DLG2: variants seen among roughly 807,000 people sequenced by gnomAD.
The protein encoded by DLG2 is discs large MAGUK scaffold protein 2.
DLG2 carries 45 observed loss-of-function variants against 132.5 expected under a neutral mutation model. The ratio of observed to expected loss-of-function variants is 0.34; its 90% CI spans 0.27 to 0.44. DLG2 has a LOEUF of 0.44. Ranked by LOEUF, DLG2 falls within the 20% of genes least tolerant of loss-of-function variation. The pLI, the probability that DLG2 is intolerant of heterozygous loss-of-function variation, is 1.00. For synonymous variants in DLG2, 424 were observed against 419.6 expected, an observed-to-expected ratio of 1.01 and a Z score of -0.13; for missense variants, 1,045 against 1,196.9, an observed-to-expected ratio of 0.87 and a Z score of 1.87.
intron 3 of DLG2, among the ~76,000 whole-genome samples, chr11:85,375,010 G>C (rs2085294750): frequency 6.6e-6 from 1 of 151,690 alleles, no homozygotes; most frequent in African/African-American, 2.4e-5. Context: ...GTACCAGTTA[G>C]CAAATATAAA....
At chr11:83,756,395 A>T (rs1298554149) in intron 18 of DLG2, among the ~76,000 whole-genome samples, 6 of 151,492 alleles carry the variant, frequency 4.0e-5, no homozygotes, top group Admixed American at 3.3e-4. Context: ...GTGCTTTAAA[A>T]GACTGAGATA....
intron 4 of DLG2, among the ~76,000 whole-genome samples, chr11:85,236,121 C>T (rs891122609): frequency 2.6e-5 from 4 of 151,888 alleles, no homozygotes; most frequent in African/African-American, 9.7e-5. Context: ...ATCTTCACAA[C>T]AAACTATAAG....
chr11:84,360,651 G>C (rs918056289), intron 7 of DLG2, among the ~76,000 whole-genome samples: 43 of 151,986 alleles, frequency 2.8e-4, no homozygotes, highest in African/African-American at 9.2e-4. Context: ...GTTTTGGGTA[G>C]CCATGGCAGG....
chr11:84,849,966 C>A (rs2081983903), intron 6 of DLG2, among the ~76,000 whole-genome samples: 1 of 152,220 alleles, frequency 6.6e-6, no homozygotes, highest in Non-Finnish European at 1.5e-5. Flanking sequence ...ATTATGATAT[C>A]TAACTGCCTC....
intron 14 of DLG2, among the ~76,000 whole-genome samples, chr11:83,939,566 G>A (rs1322135667): frequency 6.6e-6 from 1 of 152,110 alleles, no homozygotes; most frequent in Non-Finnish European, 1.5e-5. Context: ...TTATCATGGT[G>A]TCAAAAATAT....
chr11:84,806,959 C>A (rs1350606597), intron 6 of DLG2, among the ~76,000 whole-genome samples: 1 of 152,048 alleles, frequency 6.6e-6, no homozygotes, highest in African/African-American at 2.4e-5. Flanking sequence ...AAAGACAACA[C>A]AGTACACTGT....
intron 15 of DLG2, among the ~76,000 whole-genome samples, chr11:83,888,233 A>G (rs994109545): frequency 6.6e-6 from 1 of 152,290 alleles, no homozygotes. Context: ...CCTTAAGCTG[A>G]TAAGCAACTT....
intron 19 of DLG2, among the ~76,000 whole-genome samples, chr11:83,561,816 G>T (rs1397004566): frequency 6.6e-6 from 1 of 151,484 alleles, no homozygotes; most frequent in Non-Finnish European, 1.5e-5. Flanking sequence ...ACCAGGTAGG[G>T]CAGTAGGAAC....
At chr11:83,896,078 G>C (rs1452969278) in intron 15 of DLG2, among the ~76,000 whole-genome samples, 2 of 152,154 alleles carry the variant, frequency 1.3e-5, no homozygotes, top group African/African-American at 4.8e-5. Context: ...ACTTGACAAG[G>C]GGTGGGGGAA....
At chr11:85,466,942 G>T (rs541653171) in intron 3 of DLG2, among the ~76,000 whole-genome samples, 134 of 152,272 alleles carry the variant, frequency 8.8e-4, no homozygotes, top group African/African-American at 3.2e-3. Context: ...CTACCCATGA[G>T]CATGGAATGT....
At chr11:84,726,538 A>G (rs2062483940) in intron 6 of DLG2, among the ~76,000 whole-genome samples, 2 of 152,150 alleles carry the variant, frequency 1.3e-5, no homozygotes, top group Non-Finnish European at 2.9e-5. Context: ...GTTGGTTCCA[A>G]GTCTTTGCTC....
At chr11:85,251,925 T>C (rs902992417) in intron 4 of DLG2, among the ~76,000 whole-genome samples, 3 of 152,196 alleles carry the variant, frequency 2.0e-5, no homozygotes, top group African/African-American at 7.2e-5. Context: ...TTTATATTCT[T>C]TACATTAAAA....
intron 6 of DLG2, among the ~76,000 whole-genome samples, chr11:84,715,841 T>A (rs1016281456): frequency 6.6e-6 from 1 of 152,144 alleles, no homozygotes; most frequent in East Asian, 1.9e-4. Context: ...TTGGCTATTA[T>A]GAATTATTTA....
intron 15 of DLG2, among the ~76,000 whole-genome samples, chr11:83,892,060 C>A (rs1382598711): frequency 6.6e-6 from 1 of 152,166 alleles, no homozygotes; most frequent in Non-Finnish European, 1.5e-5. Flanking sequence ...TTGTTCAGTT[C>A]CCTCTGCCCT....
chr11:84,257,025 T>A (rs1423639949), intron 7 of DLG2, among the ~76,000 whole-genome samples: 1 of 152,232 alleles, frequency 6.6e-6, no homozygotes, highest in Non-Finnish European at 1.5e-5. Flanking sequence ...TTGGGGTTAC[T>A]ATGCACATAC....
intron 17 of DLG2, among the ~76,000 whole-genome samples, chr11:83,832,408 C>T (rs771879627): frequency 2.0e-5 from 3 of 152,142 alleles, no homozygotes; most frequent in Non-Finnish European, 2.9e-5. Context: ...AATCTCATCT[C>T]AGTAAAGTAC....
chr11:85,587,125 T>G (rs1479854721), intron 3 of DLG2, among the ~76,000 whole-genome samples: 1 of 152,206 alleles, frequency 6.6e-6, no homozygotes, highest in African/African-American at 2.4e-5. Context: ...TATCCTATGG[T>G]CTATCTTGGA....
chr11:85,141,934 A>G (rs1474573210), intron 5 of DLG2, among the ~76,000 whole-genome samples: 1 of 151,844 alleles, frequency 6.6e-6, no homozygotes, highest in Non-Finnish European at 1.5e-5. Flanking sequence ...TTATTCCAAT[A>G]CCATACTGGT....
intron 9 of DLG2, among the ~76,000 whole-genome samples, chr11:84,112,994 C>G (rs1259549450): frequency 6.6e-6 from 1 of 152,130 alleles, no homozygotes; most frequent in South Asian, 2.1e-4. Flanking sequence ...TCTTCAAGAT[C>G]AAATAATAAT....
Sources: gnomAD v4.1 joint callset for allele counts (sites outside exome capture counted in the v4.1 genomes callset) on GRCh38, gnomAD v4.1.1 for gene constraint, MANE v1.5 for transcripts, NCBI Gene and HGNC (gene_info 2026-07-23, HGNC 2026-07-21) for gene names.